The following SIGLEC14 variants were observed in gnomAD, a reference collection of about 807,000 sequenced individuals.
The protein encoded by SIGLEC14 is sialic acid binding Ig like lectin 14.
A neutral mutation model predicts 34.2 loss-of-function variants in SIGLEC14; 11 were observed. The ratio of observed to expected loss-of-function variants is 0.32; its 90% confidence interval spans 0.20 to 0.53. The LOEUF is 0.53. Among genes scored for constraint, SIGLEC14 ranks in the 20% least tolerant of loss-of-function variants. The pLI is 0.95. For synonymous variants in SIGLEC14, 99 were observed against 179.7 expected, an observed-to-expected ratio of 0.55 and a Z score of 3.59; for missense variants, 264 against 439.0, an observed-to-expected ratio of 0.60 and a Z score of 3.56.
At position 51,643,893 on chromosome 19, in the gene SIGLEC14, T is replaced by C; in HGVS notation, c.898A>G (p.Met300Val). The C allele has an allele frequency of 6.5e-7, 1 of 1,533,678 alleles. No individual in the cohort carries two copies. Among genetic ancestry groups the C allele is most frequent in the Non-Finnish European group, 8.8e-7 (1 of 1,141,548 alleles). ...TTAGGCAGCTCCAGGGTCCCAGACA[T>C]TGAGGTCTGGGAAGGATTGAGGGCT... ...GKALNPSQTS[M>V]SGTLELPNIG... Residue 300 changes from methionine (M) to valine (V), a missense_variant, in exon 5 of 7, where the codon ATG becomes GTG. Transcript: ENST00000360844.
At position 51,643,600 on chromosome 19, in the gene SIGLEC14, CT is replaced by C. The variant is rs759057394; in HGVS notation, c.1084del (p.Arg362GlyfsTer70). The C allele has an allele frequency of 1.8e-5, 27 of 1,530,440 alleles. 2 individuals carry two copies. The Admixed American group carries it at 2.4e-4, about 14-fold the overall frequency. The allele number at this position is 1,530,440 out of a possible 1,614,324, so 94.8% of individuals were successfully genotyped here. ...GAAGCCAGCCCCCATGAGAGCCCCC[CT>C]GATCAGGGTGAGGACGAGGGGCCAG... ...GSWPLVLTLI[R>X]GALMGAGFLL... is the part of the protein sequence containing the mutation. On this transcript the variant is annotated frameshift_variant, in exon 6 of 7. Coordinates refer to ENST00000360844, the MANE Select transcript of SIGLEC14 (RefSeq NM_001098612.3). LOFTEE classifies it high-confidence loss of function.
rs930975419 is a variant in SIGLEC14 at position 51,641,526 on chromosome 19, G to A, written c.*1829C>T. ...CTGCAGCACTATTCACAATAGCAATGACATGGAATCAACCTAACTGCCTAT... is the reference window on the plus strand; with the variant it reads ...CTGCAGCACTATTCACAATAGCAATAACATGGAATCAACCTAACTGCCTAT... On this transcript the variant is annotated 3_prime_UTR_variant, in exon 7 of 7. Transcript: ENST00000360844. Among the ~76,000 whole-genome samples the A allele has an allele frequency of 7.2e-6, 1 of 139,452 alleles. No homozygotes were observed. 91.5% of individuals were successfully genotyped at this position (139,452 alleles called of 152,430 possible).
rs1159125259 is a variant in SIGLEC14 at position 51,646,264 on chromosome 19, C to T, written c.414G>A (p.Glu138=). The T allele has an allele frequency of 7.1e-7, 1 of 1,418,104 alleles. No homozygotes were observed. The highest frequency in any genetic ancestry group is 9.4e-7 in the Non-Finnish European group (1 of 1,068,948). The allele number at this position is 1,418,104 out of a possible 1,614,324, so 87.8% of individuals were successfully genotyped here. The change falls in exon 2 of 7, where the codon GAG becomes GAA. Residue 138 remains glutamate (E), a synonymous_variant. Transcript: ENST00000360844. ...CTAGGGTTCCTGCCATACCTGTCACCTCCAAGTTCAGCTTATTCTGTTGGT... is the reference window on the plus strand; with the variant it reads ...CTAGGGTTCCTGCCATACCTGTCACTTCCAAGTTCAGCTTATTCTGTTGGT... ...YSYQQNKLNL[E]VTALIEKPDI... is the part of the protein sequence containing the mutation.
rs2122651424 is a variant in SIGLEC14 at position 51,640,481 on chromosome 19, G to C, written c.*2874C>G. Among the ~76,000 whole-genome samples the C allele has an allele frequency of 1.4e-5, 2 of 139,180 alleles. 1 individual carries two copies. Among genetic ancestry groups the C allele is most frequent in the East Asian group, 6.6e-4 (2 of 3,012 alleles). The allele number at this position is 139,180 out of a possible 152,430, so 91.3% of individuals were successfully genotyped here. On this transcript the variant is annotated 3_prime_UTR_variant, in exon 7 of 7. Coordinates refer to ENST00000360844, the MANE Select transcript of SIGLEC14 (RefSeq NM_001098612.3). ...CAATTCTGGAAAGGGAAGAGCTAGG[G>C]AAAAGGAACTCCAGCTTCTGAGTAT...
chr19:51,644,461 T>G (rs1370694755), intron 4 of SIGLEC14, among the ~76,000 whole-genome samples: 1 of 137,604 alleles, frequency 7.3e-6, no homozygotes, highest in Non-Finnish European at 1.5e-5. Flanking sequence ...AAGAGGGGGC[T>G]ATAAGCAAGG....
rs190781197 is a variant in SIGLEC14, at chr19:51,642,895, G to T, written c.*460C>A. ...AAAAATTAACTGGATGTGGTGGCAG[G>T]CACCTGTAATCCCAGCTACTAGGGA... On this transcript the variant is annotated 3_prime_UTR_variant, in exon 7 of 7. Coordinates refer to ENST00000360844, the MANE Select transcript of SIGLEC14 (RefSeq NM_001098612.3). 136 of 150,112 alleles carry T rather than the reference G, an allele frequency of 9.1e-4. 14 individuals are homozygous for T. Among genetic ancestry groups the T allele is most frequent in the African/African-American group, 2.8e-3 (96 of 34,102 alleles). 9.3% of individuals were successfully genotyped at this position (150,112 alleles called of 1,614,324 possible).
Position 51,646,794 on chromosome 19 carries a change from G to T in SIGLEC14, c.-35C>A. 5.4e-6 allele frequency: 3 copies of T among 555,242 alleles called. No individual in the cohort carries two copies. The highest frequency in any genetic ancestry group is 2.4e-5 in the South Asian group (1 of 42,204). 34.4% of individuals were successfully genotyped at this position (555,242 alleles called of 1,614,324 possible). On this transcript the variant is annotated 5_prime_UTR_variant, in exon 1 of 7. Transcript: ENST00000360844. ...CGCCAGGGCCCCAGCCCAGTCCCAG[G>T]TCCGGCTGTCAGGGAAGGAAATGCT...
At position 51,646,430 on chromosome 19, in the gene SIGLEC14, T is replaced by G; in HGVS notation, c.248A>C (p.Lys83Thr). 1.1e-6 allele frequency: 1 copy of G among 933,448 alleles called. No individual in the cohort carries two copies. 57.8% of individuals were successfully genotyped at this position (933,448 alleles called of 1,614,324 possible). Residue 83 changes from lysine (K) to threonine (T), a missense_variant, in exon 2 of 7, where the codon AAG becomes ACG. Around this residue, in one of 5 missense-constraint regions of SIGLEC14, gnomAD observed 31 missense variants for 67.4 expected, o/e 0.46. Transcript: ENST00000360844. Reference protein sequence around the residue: ...VATNNPDRRVKPETQGRFRLL... With the variant: ...VATNNPDRRVTPETQGRFRLL... ...GCGGAATCGGCCCTGGGTCTCTGGC[T>G]TCACTCTTCTGTCTGGGTTGTTTGT...
At position 51,642,167 on chromosome 19, in the gene SIGLEC14, A is replaced by G. The variant is rs2122122355; in HGVS notation, c.*1188T>C. Among the ~76,000 whole-genome samples the G allele has an allele frequency of 7.2e-6, 1 of 139,132 alleles. No individual in the cohort carries two copies. The highest frequency in any genetic ancestry group is 3.5e-3 in the Middle Eastern group (1 of 286). The allele number at this position is 139,132 out of a possible 152,430, so 91.3% of individuals were successfully genotyped here. A position where few individuals can be genotyped will look rare whatever the true frequency, so the allele number is the denominator to read the frequency against. ...ATAACAAAACTTTTGTGGTGCAGCAAAAGTGATTAAAGGGAAAATGCAGAA... is the reference window on the plus strand; with the variant it reads ...ATAACAAAACTTTTGTGGTGCAGCAGAAGTGATTAAAGGGAAAATGCAGAA... On this transcript the variant is annotated 3_prime_UTR_variant, in exon 7 of 7. Transcript: ENST00000360844.
At position 51,641,987 on chromosome 19, in the gene SIGLEC14, TAA is replaced by T. The variant is rs398101261; in HGVS notation, c.*1366_*1367del. On this transcript the variant is annotated 3_prime_UTR_variant, in exon 7 of 7. Transcript: ENST00000360844. Reference sequence around the variant, plus strand: ...CATGTGTATTTATTAAAATGGAACTTAAAAAGAAAGTAGTAACAATTTGTTTA... The same window carrying T: ...CATGTGTATTTATTAAAATGGAACTTAAAGAAAGTAGTAACAATTTGTTTA... 1.7e-4 allele frequency among the ~76,000 whole-genome samples: 23 copies of T among 138,314 alleles called. 4 individuals carry two copies. Among genetic ancestry groups the T allele is most frequent in the African/African-American group, 3.6e-4 (13 of 36,256 alleles). The allele number at this position is 138,314 out of a possible 152,430, so 90.7% of individuals were successfully genotyped here.
chr19:51,645,653 C>T, intron 3 of SIGLEC14, 123 bp from the exon 4 acceptor site: 1 of 1,453,356 alleles, frequency 6.9e-7, no homozygotes, highest in Non-Finnish European at 9.3e-7. Flanking sequence ...TTCCTGCCCA[C>T]ACACGAGTTT....
In SIGLEC14 at chr19:51,646,278, T is replaced by C; in HGVS notation, c.400A>G (p.Lys134Glu). 1 of 1,416,198 alleles carries C rather than the reference T, an allele frequency of 7.1e-7. No individual in the cohort carries two copies. Among genetic ancestry groups the C allele is most frequent in the Non-Finnish European group, 9.4e-7 (1 of 1,068,366 alleles). 87.7% of individuals were successfully genotyped at this position (1,416,198 alleles called of 1,614,324 possible). ...ATACCTGTCACCTCCAAGTTCAGCT[T>C]ATTCTGTTGGTAGCTATATTTTACA... ...RDVKYSYQQN[K>E]LNLEVTALIE... Residue 134 changes from lysine to glutamate, a missense_variant, in exon 2 of 7, where the codon AAG (lysine) becomes GAG (glutamate). This residue lies in a region of SIGLEC14 where 9 missense variants were observed against 60.9 expected (regional missense o/e 0.15). Coordinates refer to ENST00000360844, the MANE Select transcript of SIGLEC14 (RefSeq NM_001098612.3).
chr19:51,643,455 T>TGGGGGGGGGGGGGGGATGGGG, intron 6 of SIGLEC14, 58 bp from the exon 7 acceptor site: 1 of 1,294,480 alleles, frequency 7.7e-7, no homozygotes, highest in East Asian at 5.6e-5. Flanking sequence ...TAATTCCAGG[T>TGGGGGGGGGGGGGGGATGGGG]GGGGCTGAGC....
chr19:51,643,785 C>T lies in SIGLEC14; in HGVS notation c.1006G>A (p.Val336Met). ...CACCTGTCCTGCAACTCACTCTGCACAGAAAGGATGAAGGACAGGTGCTGG... is the reference window on the plus strand; with the variant it reads ...CACCTGTCCTGCAACTCACTCTGCATAGAAAGGATGAAGGACAGGTGCTGG... ...GSQHLSFILS[V>M]QRSSSSCICV... The change falls in exon 5 of 7, where the codon GTG (valine) becomes ATG (methionine). Residue 336 changes from valine to methionine, a missense_variant. By Grantham distance (21) the Val-to-Met change is conservative. Coordinates refer to ENST00000360844, the MANE Select transcript of SIGLEC14 (RefSeq NM_001098612.3). 1 of 1,518,836 alleles carries T rather than the reference C, an allele frequency of 6.6e-7. No individual in the cohort carries two copies. The highest frequency in any genetic ancestry group is 8.8e-7 in the Non-Finnish European group (1 of 1,132,472). 94.1% of individuals were successfully genotyped at this position (1,518,836 alleles called of 1,614,324 possible).
At position 51,645,344 on chromosome 19, in the gene SIGLEC14, T is replaced by C. The variant is rs566910729; in HGVS notation, c.754+133A>G. The stretch of plus-strand genomic sequence containing the variant: ...TCGTGCAAGATCTTAGTGACTGGGA[T>C]TGGGGGGTTGGGAGCAGGAAGGACC... On this transcript the variant is annotated intron_variant, in intron 4 of 6. Coordinates refer to ENST00000360844, the MANE Select transcript of SIGLEC14 (RefSeq NM_001098612.3). The C allele has an allele frequency of 3.3e-4, 240 of 717,838 alleles. 85 individuals are homozygous for C. In the East Asian group the frequency reaches 0.011, roughly 32 times the overall value. The allele number at this position is 717,838 out of a possible 1,614,324, so 44.5% of individuals were successfully genotyped here.
rs1417913578 is a variant in SIGLEC14, at chr19:51,641,274, A to T, written c.*2081T>A. Among the ~76,000 whole-genome samples, 2 of 139,426 alleles carry T rather than the reference A, an allele frequency of 1.4e-5. 1 individual carries two copies. Among genetic ancestry groups the T allele is most frequent in the Non-Finnish European group, 3.1e-5 (2 of 65,086 alleles). The allele number at this position is 139,426 out of a possible 152,430, so 91.5% of individuals were successfully genotyped here. On this transcript the variant is annotated 3_prime_UTR_variant, in exon 7 of 7. Transcript: ENST00000360844. ...ACACATTCTTTCTAAGCACACATGG[A>T]GCATTCACCAAGATAGACCAGTGTC...
chr19:51,645,610 C>T, intron 3 of SIGLEC14, 80 bp from the exon 4 acceptor site: 1 of 1,456,608 alleles, frequency 6.9e-7, no homozygotes, highest in Non-Finnish European at 9.3e-7. Flanking sequence ...CAAGGAGGGG[C>T]CACAGAAACC....
At position 51,645,420 on chromosome 19, in the gene SIGLEC14, C is replaced by A. The variant is rs763788474; in HGVS notation, c.754+57G>T. On this transcript the variant is annotated intron_variant, in intron 4 of 6. Transcript: ENST00000360844. Reference sequence around the variant, plus strand: ...GAGGGTCTCCTCTCCCAATGCTGAACCCTGAGCTAATAGAAGGCTCCCATC... The same window carrying A: ...GAGGGTCTCCTCTCCCAATGCTGAAACCTGAGCTAATAGAAGGCTCCCATC... 403 of 1,440,076 alleles carry A rather than the reference C, an allele frequency of 2.8e-4. 51 individuals carry two copies. Among genetic ancestry groups the A allele is most frequent in the Non-Finnish European group, 3.5e-4 (369 of 1,061,124 alleles). 89.2% of individuals were successfully genotyped at this position (1,440,076 alleles called of 1,614,324 possible).
rs868228409 is a variant in SIGLEC14 at position 51,641,250 on chromosome 19, C to T, written c.*2105G>A. Among the ~76,000 whole-genome samples, 1 of 138,968 alleles carries T rather than the reference C, an allele frequency of 7.2e-6. No homozygotes were observed. Among genetic ancestry groups the T allele is most frequent in the South Asian group, 2.4e-4 (1 of 4,092 alleles). The allele number at this position is 138,968 out of a possible 152,430, so 91.2% of individuals were successfully genotyped here. ...ATATTCGTCCCATAACAGGGCAATA[C>T]ACATTCTTTCTAAGCACACATGGAG... On this transcript the variant is annotated 3_prime_UTR_variant, in exon 7 of 7. Coordinates refer to ENST00000360844, the MANE Select transcript of SIGLEC14 (RefSeq NM_001098612.3).
Sources: allele counts gnomAD v4.1 joint callset (sites outside exome capture counted in the v4.1 genomes callset), GRCh38; gene constraint gnomAD v4.1.1; regional missense constraint gnomAD v4.1.1; transcripts MANE v1.5; gene names NCBI Gene and HGNC (gene_info 2026-07-23, HGNC 2026-07-21).